Variants in EVC2 observed in about 807,000 individuals in gnomAD.
EVC2 encodes EvC ciliary complex subunit 2, also known as limbin.
In EVC2, 148 loss-of-function variants were observed where a neutral mutation model predicts 149.3. The ratio of observed to expected loss-of-function variants is 0.99; its 90% CI spans 0.87 to 1.14. The LOEUF is 1.14. Among genes scored for constraint, EVC2 ranks in the 50% most tolerant of loss-of-function variants. The pLI is 0.00. For synonymous variants in EVC2, 776 were observed against 649.9 expected (o/e 1.19, Z -2.95); for missense variants, 1,854 against 1,627.3 (o/e 1.14, Z -2.40).
chr4:5,663,625 G>A (rs1188304760), intron 8 of EVC2, among the ~76,000 whole-genome samples: 2 of 152,148 alleles, frequency 1.3e-5, no homozygotes, highest in East Asian at 1.9e-4. Flanking sequence ...GTTTCTAATC[G>A]GAATATAGGA....
At chr4:5,550,875 C>T (rs1721723291) in intron 21 of EVC2, among the ~76,000 whole-genome samples, 1 of 152,242 alleles carries the variant, frequency 6.6e-6, no homozygotes, top group African/African-American at 2.4e-5. Flanking sequence ...CTGAAAGGGG[C>T]CAACATAGAG....
chr4:5,559,121 G>GA (rs1158592760), downstream of EVC2, among the ~76,000 whole-genome samples: 23 of 152,212 alleles, frequency 1.5e-4, no homozygotes, highest in African/African-American at 4.3e-4. The surrounding 1 kb of genome is among the most constrained non-coding windows in gnomAD (Gnocchi z 5.0). Flanking sequence ...GAGGTATGAG[G>GA]ATCACTTAAC....
chr4:5,529,153 C>T, the EVC2 span, among the ~76,000 whole-genome samples: 1 of 152,228 alleles, frequency 6.6e-6, no homozygotes, highest in Non-Finnish European at 1.5e-5. This position sits in a 1 kb window ranked among gnomAD's most constrained non-coding sequence, Gnocchi z 4.5. Context: ...CTCAGCCATC[C>T]CTTTCAGAAA....
At chr4:5,674,770 C>T (rs1432403018) in intron 7 of EVC2, among the ~76,000 whole-genome samples, 1 of 152,096 alleles carries the variant, frequency 6.6e-6, no homozygotes, top group Non-Finnish European at 1.5e-5. Flanking sequence ...GGAGGCCCCT[C>T]AAGAATAGAA....
chr4:5,577,177 AATTT>A (rs1415872758), intron 17 of EVC2, among the ~76,000 whole-genome samples: 1 of 152,232 alleles, frequency 6.6e-6, no homozygotes, highest in Non-Finnish European at 1.5e-5. Context: ...GAGTTAAATT[AATTT>A]GTCAGATGAT....
At chr4:5,629,890 G>GCT (rs1406922522) in intron 11 of EVC2, among the ~76,000 whole-genome samples, 2 of 152,208 alleles carry the variant, frequency 1.3e-5, no homozygotes, top group Non-Finnish European at 2.9e-5. Flanking sequence ...TACTCTCATA[G>GCT]CTCTGGTCAA....
At position 5,562,791 on chromosome 4, in the gene EVC2, G is replaced by T; in HGVS notation, c.*57C>A. The T allele has an allele frequency of 6.2e-7, 1 of 1,609,524 alleles. No individual in the cohort carries two copies. ...CATTATAAACACACAAACACCGGCG[G>T]GCAGGAGAAAATCATCCCTTCTCTC... On this transcript the variant is annotated 3_prime_UTR_variant, in exon 22 of 22. Coordinates refer to ENST00000344408, the MANE Select transcript of EVC2 (RefSeq NM_147127.5). This position sits in a 1 kb window ranked among gnomAD's most constrained non-coding sequence, Gnocchi z 4.3.
intron 9 of EVC2, among the ~76,000 whole-genome samples, chr4:5,660,712 T>C (rs1041117856): frequency 1.3e-5 from 2 of 152,176 alleles, no homozygotes; most frequent in Non-Finnish European, 2.9e-5. Context: ...TTTCACATCA[T>C]TACACATGAC....
At chr4:5,667,435 G>C (rs1056477259) in intron 7 of EVC2, among the ~76,000 whole-genome samples, 1 of 152,128 alleles carries the variant, frequency 6.6e-6, no homozygotes, top group Non-Finnish European at 1.5e-5. Context: ...CACCCAGACT[G>C]CTGAGGGTTT....
At chr4:5,691,194 ACT>A (rs1662128593) in intron 4 of EVC2, 69 bp downstream of exon 4, 1 of 1,329,130 alleles carries the variant, frequency 7.5e-7, no homozygotes, top group Admixed American at 1.7e-5. Flanking sequence ...TAAATACATG[ACT>A]CTAATAAAAT....
At chr4:5,535,408 C>T in the EVC2 span, among the ~76,000 whole-genome samples, 5 of 152,102 alleles carry the variant, frequency 3.3e-5, no homozygotes, top group Non-Finnish European at 2.9e-5. This position sits in a 1 kb window ranked among gnomAD's most constrained non-coding sequence, Gnocchi z 4.7. Flanking sequence ...TCCTGAATCT[C>T]GAGGGAAACT....
chr4:5,658,076 CAA>C (rs1718647283), intron 9 of EVC2, among the ~76,000 whole-genome samples: 1 of 152,130 alleles, frequency 6.6e-6, no homozygotes, highest in Non-Finnish European at 1.5e-5. Context: ...AGTGTAGAAT[CAA>C]AGAGTTACCA....
At position 5,584,743 on chromosome 4, in the gene EVC2, G is replaced by A. The variant is rs750126669; in HGVS notation, c.2937C>T (p.Thr979=). 14 of 1,613,964 alleles carry A rather than the reference G, an allele frequency of 8.7e-6. No homozygotes were observed. The highest frequency in any genetic ancestry group is 6.7e-5 in the Admixed American group (4 of 60,000). Residue 979 remains threonine, a synonymous_variant, in exon 17 of 22, where the codon ACC becomes ACT. Transcript: ENST00000344408. ...GGGCGGTGTAGGCCGACAGAGTCTC[G>A]GTCACCCGGGACGCCTTCTGGAACT... is the stretch of plus-strand genomic sequence containing the variant. ...ALQFQKASRV[T]ETLSAYTALL... is the part of the protein sequence containing the mutation.
At chr4:5,581,595 G>A (rs28883921) in intron 17 of EVC2, among the ~76,000 whole-genome samples, 136 of 152,332 alleles carry the variant, frequency 8.9e-4, no homozygotes, top group African/African-American at 3.0e-3. Context: ...ATGTAACCTG[G>A]CTGCTTCTAA....
rs1721490823 is a variant in EVC2, at chr4:5,696,550, G to C, written c.283+1043C>G. 6.6e-6 allele frequency among the ~76,000 whole-genome samples: 1 copy of C among 152,226 alleles called. No individual in the cohort carries two copies. Among genetic ancestry groups the C allele is most frequent in the Non-Finnish European group, 1.5e-5 (1 of 68,044 alleles). ...AGCCGCTGGGAAGTCTGCGCTGCAG[G>C]TGCCAGCCATGAGGCTCAGGAGCCA... On this transcript the variant is annotated intron_variant, in intron 2 of 21. Coordinates refer to ENST00000344408, the MANE Select transcript of EVC2 (RefSeq NM_147127.5). This position sits in a 1 kb window ranked among gnomAD's most constrained non-coding sequence, Gnocchi z 4.1.
chr4:5,553,170 G>C (rs1179557320), intron 21 of EVC2, among the ~76,000 whole-genome samples: 1 of 152,198 alleles, frequency 6.6e-6, no homozygotes, highest in Non-Finnish European at 1.5e-5. Flanking sequence ...GAGGCCTCAG[G>C]AAACCAAATC....
At chr4:5,587,344 A>G (rs1487443649) in intron 16 of EVC2, among the ~76,000 whole-genome samples, 1 of 152,240 alleles carries the variant, frequency 6.6e-6, no homozygotes, top group Non-Finnish European at 1.5e-5. Flanking sequence ...GATATTTCAT[A>G]CAAATGGAAC....
chr4:5,709,201 C>G (rs914142619), upstream of EVC2: 1 of 152,298 alleles, frequency 6.6e-6, no homozygotes, highest in Non-Finnish European at 1.5e-5. Flanking sequence ...AAGTCGCAGC[C>G]CTAAGCAAGC....
intron 21 of EVC2, among the ~76,000 whole-genome samples, chr4:5,556,503 TTAATAATC>T (rs1721843654): frequency 6.6e-6 from 1 of 151,812 alleles, no homozygotes; most frequent in South Asian, 2.1e-4. Flanking sequence ...AGACCTAAAA[TTAATAATC>T]TAAACTTCCA....
Sources: gnomAD v4.1 joint callset for allele counts (sites outside exome capture counted in the v4.1 genomes callset) on GRCh38, gnomAD v4.1.1 for gene constraint, Gnocchi (gnomAD v3.1) non-coding constraint, MANE v1.5 for transcripts, NCBI Gene and HGNC (gene_info 2026-07-23, HGNC 2026-07-21) for gene names.